The following NMRK1 variants were observed in gnomAD, a reference collection of about 807,000 sequenced individuals.
NMRK1 encodes nicotinamide riboside kinase 1, also known as NRK 1.
Under a neutral mutation model 29.9 loss-of-function variants are expected in NMRK1, and 28 were observed. The ratio of observed to expected loss-of-function variants is 0.94; its 90% confidence interval spans 0.69 to 1.28. NMRK1 has a LOEUF of 1.28. NMRK1 is among the 50% of genes most tolerant of loss of function. NMRK1 has a pLI of 0.00. For missense variants in NMRK1, 218 were observed against 233.1 expected, an observed-to-expected ratio of 0.94 and a Z score of 0.42; for synonymous variants, 58 against 73.0, an observed-to-expected ratio of 0.79 and a Z score of 1.05.
At chr9:75,066,674 T>C (rs1823369686) in intron 8 of NMRK1, 83 bp downstream of exon 8, 2 of 820,910 alleles carry the variant, frequency 2.4e-6, no homozygotes, top group Non-Finnish European at 4.3e-6. Flanking sequence ...ACTAGCATTC[T>C]GGTATTCCAT....
intron 2 of NMRK1, chr9:75,078,386 A>G (rs1448807095): frequency 2.6e-6 from 4 of 1,565,528 alleles, no homozygotes; most frequent in Non-Finnish European, 2.6e-6. Context: ...CCTGGGGGCC[A>G]GCTGGGAGGT....
intron 1 of NMRK1, among the ~76,000 whole-genome samples, chr9:75,085,952 A>C (rs1345867382): frequency 6.7e-6 from 1 of 150,004 alleles, no homozygotes; most frequent in Non-Finnish European, 1.5e-5. Context: ...TGGGCCTAGC[A>C]ATCCCTGAAG....
chr9:75,078,615 G>C, intron 2 of NMRK1: 1 of 1,165,748 alleles, frequency 8.6e-7, no homozygotes, highest in Non-Finnish European at 1.1e-6. Context: ...CTGTGAACTT[G>C]AATGAGAAAA....
At chr9:75,077,293 T>C (rs1437766246) in intron 3 of NMRK1, 86 bp from the exon 4 acceptor site, 15 of 1,015,256 alleles carry the variant, frequency 1.5e-5, no homozygotes, top group Non-Finnish European at 2.3e-5. Flanking sequence ...AAGTCTTTAA[T>C]AAATGCTTTG....
Position 75,060,788 on chromosome 9 carries a change from G to A in NMRK1, c.*760C>T, listed in dbSNP as rs531108704. 4 of 148,062 alleles carry A rather than the reference G, an allele frequency of 2.7e-5. No individual in the cohort carries two copies. In the East Asian group the frequency reaches 5.9e-4, roughly 22 times the overall value. The allele number at this position is 148,062 out of a possible 1,614,324, so 9.2% of individuals were successfully genotyped here. On this transcript the variant is annotated 3_prime_UTR_variant, in exon 9 of 9. Transcript: ENST00000361092. ...CAAAAACAAAATGAACCACGAGGGGGGAGAAAGAAACCAGAAACCCTATTT... is the reference window on the plus strand; with the variant it reads ...CAAAAACAAAATGAACCACGAGGGGAGAGAAAGAAACCAGAAACCCTATTT...
intron 4 of NMRK1, among the ~76,000 whole-genome samples, chr9:75,075,856 A>C (rs971939776): frequency 1.3e-5 from 2 of 152,200 alleles, no homozygotes; most frequent in Non-Finnish European, 2.9e-5. Flanking sequence ...GAGGGTGGCC[A>C]ATGTAGCTAC....
chr9:75,069,247 T>C (rs1823552454), intron 6 of NMRK1, 145 bp from the exon 7 acceptor site: 3 of 577,768 alleles, frequency 5.2e-6, no homozygotes, highest in African/African-American at 3.7e-5. Context: ...TTTAACTCAA[T>C]GGCAGTTAGA....
At chr9:75,083,530 G>T (rs1055852514) in intron 1 of NMRK1, among the ~76,000 whole-genome samples, 12 of 152,230 alleles carry the variant, frequency 7.9e-5, no homozygotes, top group African/African-American at 2.7e-4. Context: ...ATCAGTGAGG[G>T]AGGGACCCCT....
Position 75,069,915 on chromosome 9 carries a change from A to G in NMRK1, c.297T>C (p.Gly99=). Residue 99 remains glycine, a synonymous_variant, in exon 5 of 9, where the codon GGT becomes GGC. Coordinates refer to ENST00000361092, the MANE Select transcript of NMRK1 (RefSeq NM_017881.3). ...AEEIPILIIE[G]FLLFNYKPLD... is the part of the protein sequence containing the mutation. ...CTTACTTATAATTAAAAAGAAGAAAACCTTCGATGATTAAAATGGGAATTT... is the reference window on the plus strand; with the variant it reads ...CTTACTTATAATTAAAAAGAAGAAAGCCTTCGATGATTAAAATGGGAATTT... 1 of 1,613,720 alleles carries G rather than the reference A, an allele frequency of 6.2e-7. No individual in the cohort carries two copies.
chr9:75,086,847 G>A lies in NMRK1; in HGVS notation c.-36+1161C>T, dbSNP rs548395383. ...TTCTCTTCTTCCAGGAGATAGGGCAGTCTTTTCCTACTATTGTTTAAACTT... is the reference window on the plus strand; with the variant it reads ...TTCTCTTCTTCCAGGAGATAGGGCAATCTTTTCCTACTATTGTTTAAACTT... On this transcript the variant is annotated intron_variant, in intron 1 of 8. Coordinates refer to ENST00000361092, the MANE Select transcript of NMRK1 (RefSeq NM_017881.3). 1.2e-4 allele frequency among the ~76,000 whole-genome samples: 18 copies of A among 150,900 alleles called. No homozygotes were observed. In the South Asian group the frequency reaches 2.1e-3, roughly 18 times the overall value.
chr9:75,074,464 A>G (rs939592368), intron 4 of NMRK1, among the ~76,000 whole-genome samples: 1 of 151,746 alleles, frequency 6.6e-6, no homozygotes, highest in African/African-American at 2.4e-5. Context: ...TCGGCTCACT[A>G]TAGCCTTTGC....
chr9:75,066,245 G>C (rs1161183332), intron 8 of NMRK1: 1 of 518,310 alleles, frequency 1.9e-6, no homozygotes, highest in Admixed American at 1.9e-5. Flanking sequence ...TTCTGCTGTA[G>C]CCATATTTAG....
At position 75,069,894 on chromosome 9, in the gene NMRK1, C is replaced by T; in HGVS notation, c.317+1G>A. Reference sequence around the variant, plus strand: ...GACAATATTAGGGTGGAGATGCTTACTTATAATTAAAAAGAAGAAAACCTT... The same window carrying T: ...GACAATATTAGGGTGGAGATGCTTATTTATAATTAAAAAGAAGAAAACCTT... On this transcript the variant is annotated splice_donor_variant, in intron 5 of 8. Coordinates refer to ENST00000361092, the MANE Select transcript of NMRK1 (RefSeq NM_017881.3). LOFTEE classifies it high-confidence loss of function. 1.2e-6 allele frequency: 2 copies of T among 1,613,182 alleles called. No homozygotes were observed. Among genetic ancestry groups the T allele is most frequent in the East Asian group, 4.5e-5 (2 of 44,862 alleles).
chr9:75,077,651 T>TGA, intron 2 of NMRK1, 71 bp from the exon 3 acceptor site: 1 of 894,178 alleles, frequency 1.1e-6, no homozygotes. Flanking sequence ...TTTTTTTTTT[T>TGA]GAGAGACAGG....
chr9:75,062,395 G>C (rs959962369), intron 8 of NMRK1, among the ~76,000 whole-genome samples: 1 of 152,036 alleles, frequency 6.6e-6, no homozygotes, highest in Non-Finnish European at 1.5e-5. Context: ...TTATTCTTTT[G>C]ATTTGGAACT....
At chr9:75,082,215 G>A (rs568614069) in intron 2 of NMRK1, among the ~76,000 whole-genome samples, 2 of 152,228 alleles carry the variant, frequency 1.3e-5, no homozygotes, top group South Asian at 2.1e-4. Flanking sequence ...ATGACAGCCT[G>A]TATCAGGATG....
chr9:75,074,057 T>C (rs1267326315), intron 4 of NMRK1, among the ~76,000 whole-genome samples: 1 of 152,088 alleles, frequency 6.6e-6, no homozygotes, highest in Admixed American at 6.5e-5. Flanking sequence ...ACATATCCTT[T>C]TTCTTTTTTT....
chr9:75,071,851 G>A (rs1823718501), intron 4 of NMRK1, among the ~76,000 whole-genome samples: 2 of 152,080 alleles, frequency 1.3e-5, no homozygotes, highest in South Asian at 4.2e-4. Flanking sequence ...AGTAAGGAAG[G>A]TGAAGTGCCA....
At chr9:75,077,245 A>G in intron 3 of NMRK1, 38 bp from the exon 4 acceptor site, 1 of 1,353,774 alleles carries the variant, frequency 7.4e-7, no homozygotes, top group Non-Finnish European at 1.0e-6. Flanking sequence ...AACAGTGTGT[A>G]GGAAAGAAAT....
Sources: allele counts gnomAD v4.1 joint callset (sites outside exome capture counted in the v4.1 genomes callset), GRCh38; gene constraint gnomAD v4.1.1; transcripts MANE v1.5; gene names NCBI Gene and HGNC (gene_info 2026-07-23, HGNC 2026-07-21).